TNFSF13B: variants seen among roughly 807,000 people sequenced by gnomAD.
TNFSF13B encodes tumor necrosis factor ligand superfamily member 13B.
Under a neutral mutation model 29.1 loss-of-function variants are expected in TNFSF13B, and 8 were observed. The observed-to-expected ratio is 0.27, with a 90% CI of 0.16 to 0.50. TNFSF13B has a LOEUF of 0.50. Ranked by LOEUF, TNFSF13B falls within the 20% of genes least tolerant of loss-of-function variation. The pLI is 0.98. For missense variants in TNFSF13B, 248 were observed against 334.9 expected (o/e 0.74, Z 2.03); for synonymous variants, 125 against 130.8 (o/e 0.96, Z 0.30).
chr13:108,293,238 A>G (rs530093343), intron 3 of TNFSF13B, among the ~76,000 whole-genome samples: 189 of 152,216 alleles, frequency 1.2e-3, no homozygotes, highest in South Asian at 2.1e-3. Flanking sequence ...ACGTAGATGT[A>G]TGGGTTTATT....
At chr13:108,271,208 C>T (rs925260503) in intron 2 of TNFSF13B, among the ~76,000 whole-genome samples, 2 of 152,018 alleles carry the variant, frequency 1.3e-5, no homozygotes, top group Non-Finnish European at 2.9e-5. Context: ...TATAATATAA[C>T]AAATTCTTAA....
intron 3 of TNFSF13B, chr13:108,302,659 T>C (rs1881659128): frequency 4.6e-6 from 1 of 216,384 alleles, no homozygotes; most frequent in South Asian, 1.6e-4. Context: ...GGAGGAGAAT[T>C]ATCACTGAAC....
chr13:108,280,508 C>T (rs931625774), intron 2 of TNFSF13B, among the ~76,000 whole-genome samples: 26 of 152,086 alleles, frequency 1.7e-4, no homozygotes, highest in African/African-American at 5.6e-4. Flanking sequence ...TTGGTTTACA[C>T]GTGATATTGT....
rs771749690 is a variant in TNFSF13B at position 108,302,824 on chromosome 13, G to A, written c.482-429G>A. On this transcript the variant is annotated intron_variant, in intron 3 of 5. Transcript: ENST00000375887. ...GGCCAAGGAATGGAGAGATTTCTTC[G>A]TCTGGAAACATTTTGCCAAACTCTT... is the stretch of plus-strand genomic sequence containing the variant. 42 of 986,028 alleles carry A rather than the reference G, an allele frequency of 4.3e-5. No individual in the cohort carries two copies. The East Asian group carries it at 1.1e-3, about 27-fold the overall frequency. The allele number at this position is 986,028 out of a possible 1,614,324, so 61.1% of individuals were successfully genotyped here. A position where few individuals can be genotyped will look rare whatever the true frequency, so the allele number is the denominator to read the frequency against.
chr13:108,303,659 A>G (rs1002671314), intron 5 of TNFSF13B, 55 bp downstream of exon 5: 4 of 1,546,292 alleles, frequency 2.6e-6, no homozygotes, highest in Admixed American at 2.0e-5. Flanking sequence ...CTTTGACGAA[A>G]AATCTGAGCT....
At chr13:108,278,424 A>G (rs1415207722) in intron 2 of TNFSF13B, among the ~76,000 whole-genome samples, 1 of 151,996 alleles carries the variant, frequency 6.6e-6, no homozygotes, top group African/African-American at 2.4e-5. Context: ...AACAGAAATA[A>G]TTCAAGAAAA....
At chr13:108,281,995 TTGTCATAACTTACGTTTACCAAATGA>T (rs1880971237) in intron 2 of TNFSF13B, among the ~76,000 whole-genome samples, 1 of 152,206 alleles carries the variant, frequency 6.6e-6, no homozygotes, top group East Asian at 1.9e-4. Context: ...ACAGCTACAT[TTGTCATAACTTACGTTTACCAAATGA>T]TAAGTTTTGC....
chr13:108,291,281 G>A (rs1249988520), intron 3 of TNFSF13B, among the ~76,000 whole-genome samples: 1 of 151,304 alleles, frequency 6.6e-6, no homozygotes, highest in Non-Finnish European at 1.5e-5. Flanking sequence ...AGAAAAATAC[G>A]TGCTATTTTT....
chr13:108,287,550 A>G lies in TNFSF13B; in HGVS notation c.481+691A>G, dbSNP rs184125270. 1.2e-3 allele frequency among the ~76,000 whole-genome samples: 188 copies of G among 152,332 alleles called. 1 individual carries two copies. Among genetic ancestry groups the G allele is most frequent in the Admixed American group, 5.1e-3 (78 of 15,304 alleles). ...TAAATAATTAAACTACAATAAAATAAAAACCAATAATAAATCAAATTCCAT... is the reference window on the plus strand; with the variant it reads ...TAAATAATTAAACTACAATAAAATAGAAACCAATAATAAATCAAATTCCAT... On this transcript the variant is annotated intron_variant, in intron 3 of 5. Coordinates refer to ENST00000375887, the MANE Select transcript of TNFSF13B (RefSeq NM_006573.5).
chr13:108,282,863 TA>T (rs931984000), intron 2 of TNFSF13B, among the ~76,000 whole-genome samples: 3 of 151,998 alleles, frequency 2.0e-5, no homozygotes, highest in African/African-American at 7.2e-5. Context: ...ATAACAAACA[TA>T]AAAAAAACTA....
At chr13:108,272,088 G>A (rs1378110576) in intron 2 of TNFSF13B, among the ~76,000 whole-genome samples, 1 of 152,116 alleles carries the variant, frequency 6.6e-6, no homozygotes, top group African/African-American at 2.4e-5. Flanking sequence ...TATTTTTAAA[G>A]TGTATTTTGA....
In TNFSF13B at chr13:108,297,135, C is replaced by T. The variant is rs1172943375; in HGVS notation, c.482-6118C>T. On this transcript the variant is annotated intron_variant, in intron 3 of 5. Coordinates refer to ENST00000375887, the MANE Select transcript of TNFSF13B (RefSeq NM_006573.5). ...TAGCATTTCTCACAGGGTAAGTCTG[C>T]TACCAATGAACTCTCTCAGTTTTTC... Among the ~76,000 whole-genome samples the T allele has an allele frequency of 2.1e-5, 3 of 145,190 alleles. 1 individual carries two copies. The highest frequency in any genetic ancestry group is 4.6e-5 in the Non-Finnish European group (3 of 65,374).
intron 3 of TNFSF13B, 127 bp from the exon 4 acceptor site, chr13:108,303,126 T>C (rs2139070493): frequency 1.4e-6 from 1 of 735,038 alleles, no homozygotes. Context: ...CTTTTTTTTC[T>C]TTCTTTCTTT....
intron 3 of TNFSF13B, 45 bp from the exon 4 acceptor site, chr13:108,303,208 G>A: frequency 7.3e-7 from 1 of 1,369,088 alleles, no homozygotes; most frequent in Non-Finnish European, 1.0e-6. Flanking sequence ...GGTGAAAACT[G>A]CTTTTCTTGG....
chr13:108,281,611 T>C (rs1425994753), intron 2 of TNFSF13B, among the ~76,000 whole-genome samples: 1 of 152,152 alleles, frequency 6.6e-6, no homozygotes, highest in African/African-American at 2.4e-5. Flanking sequence ...ATGATTTTCC[T>C]CAAGTACAAG....
At chr13:108,278,707 CCCTTCTCT>C (rs1880845613) in intron 2 of TNFSF13B, among the ~76,000 whole-genome samples, 1 of 147,758 alleles carries the variant, frequency 6.8e-6, no homozygotes, top group African/African-American at 2.5e-5. Flanking sequence ...CCTCCTCCTC[CCCTTCTCT>C]TCCTCCTCCT....
chr13:108,289,654 A>G (rs962351412), intron 3 of TNFSF13B, among the ~76,000 whole-genome samples: 1 of 148,642 alleles, frequency 6.7e-6, no homozygotes, highest in Non-Finnish European at 1.5e-5. Flanking sequence ...AAATATTATT[A>G]GCATATTGTA....
Position 108,308,289 on chromosome 13 carries a change from A to G in TNFSF13B, c.*1351A>G, listed in dbSNP as rs2139074818. Reference sequence around the variant, plus strand: ...AACTTTAGATTTAAACTTTATTTAAATATCTGGTTCCTATGATTTTGACTT... The same window carrying G: ...AACTTTAGATTTAAACTTTATTTAAGTATCTGGTTCCTATGATTTTGACTT... On this transcript the variant is annotated 3_prime_UTR_variant, in exon 6 of 6. Coordinates refer to ENST00000375887, the MANE Select transcript of TNFSF13B (RefSeq NM_006573.5). 6.6e-6 allele frequency: 1 copy of G among 152,252 alleles called. No homozygotes were observed. Among genetic ancestry groups the G allele is most frequent in the South Asian group, 2.1e-4 (1 of 4,826 alleles). 9.4% of individuals were successfully genotyped at this position (152,252 alleles called of 1,614,324 possible). A position where few individuals can be genotyped will look rare whatever the true frequency, so the allele number is the denominator to read the frequency against.
intron 3 of TNFSF13B, 44 bp from the exon 4 acceptor site, chr13:108,303,209 C>T: frequency 7.2e-7 from 1 of 1,386,110 alleles, no homozygotes; most frequent in Non-Finnish European, 9.9e-7. Context: ...GTGAAAACTG[C>T]TTTTCTTGGT....
Sources: allele counts gnomAD v4.1 joint callset (sites outside exome capture counted in the v4.1 genomes callset), GRCh38; gene constraint gnomAD v4.1.1; transcripts MANE v1.5; gene names NCBI Gene and HGNC (gene_info 2026-07-23, HGNC 2026-07-21).